The following PPM1L variants were observed in gnomAD, a reference collection of about 807,000 sequenced individuals.
PPM1L encodes protein phosphatase 1L.
Under a neutral mutation model 31.4 loss-of-function variants are expected in PPM1L, and 13 were observed. The observed-to-expected ratio is 0.41, with a 90% confidence interval of 0.27 to 0.66. PPM1L has a LOEUF of 0.66. PPM1L is among the 30% of genes least tolerant of loss of function. The pLI, the probability that PPM1L is intolerant of heterozygous loss-of-function variation, is 0.29. For synonymous variants in PPM1L, 184 were observed against 175.4 expected (o/e 1.05, Z -0.39); for missense variants, 326 against 453.7 (o/e 0.72, Z 2.56).
intron 1 of PPM1L, among the ~76,000 whole-genome samples, chr3:160,815,562 T>C (rs1447224256): frequency 6.6e-6 from 1 of 152,102 alleles, no homozygotes; most frequent in African/African-American, 2.4e-5. Context: ...GATTACAGAA[T>C]TTTTTTCTCC....
intron 1 of PPM1L, among the ~76,000 whole-genome samples, chr3:160,955,638 C>T (rs75665607): frequency 0.061 from 9,192 of 149,670 alleles, 335 homozygotes; most frequent in African/African-American, 0.08. Flanking sequence ...TTAGAATTGG[C>T]TGGCTAACAA....
At chr3:160,843,426 T>TTATATATATATATATATA (rs55994031) in intron 1 of PPM1L, among the ~76,000 whole-genome samples, 20 of 47,512 alleles carry the variant, frequency 4.2e-4, no homozygotes, top group East Asian at 1.6e-3. Context: ...GGCAATTCTT[T>TTATATATATATATATATA]TATATATATA....
intron 2 of PPM1L, among the ~76,000 whole-genome samples, chr3:160,992,432 C>G (rs1242122505): frequency 6.6e-6 from 1 of 152,130 alleles, no homozygotes; most frequent in African/African-American, 2.4e-5. Flanking sequence ...CCAAGACACT[C>G]TATCCAACTA....
At chr3:160,953,496 G>GT (rs1223740585) in intron 1 of PPM1L, among the ~76,000 whole-genome samples, 1 of 152,142 alleles carries the variant, frequency 6.6e-6, no homozygotes, top group Non-Finnish European at 1.5e-5. Context: ...AATGAGTAAC[G>GT]TAACAAAATG....
intron 1 of PPM1L, among the ~76,000 whole-genome samples, chr3:160,924,187 T>A (rs565835380): frequency 8.5e-5 from 13 of 152,306 alleles, no homozygotes; most frequent in Non-Finnish European, 1.5e-4. Context: ...GAAATAATTA[T>A]CCTCTTTGGA....
At chr3:160,941,527 A>T (rs557624695) in intron 1 of PPM1L, among the ~76,000 whole-genome samples, 1 of 152,142 alleles carries the variant, frequency 6.6e-6, no homozygotes, top group South Asian at 2.1e-4. Context: ...ACGAGACCTG[A>T]TGGGTTTATC....
chr3:160,770,682 G>C (rs1715225944), intron 1 of PPM1L, among the ~76,000 whole-genome samples: 1 of 152,186 alleles, frequency 6.6e-6, no homozygotes, highest in Admixed American at 6.5e-5. Flanking sequence ...GACTGCACAG[G>C]ATAACGATTC....
chr3:160,993,486 A>T (rs1361475967), intron 2 of PPM1L, among the ~76,000 whole-genome samples: 1 of 152,166 alleles, frequency 6.6e-6, no homozygotes, highest in Non-Finnish European at 1.5e-5. Context: ...GGTGGTAAAA[A>T]ATAGCTTCTT....
intron 1 of PPM1L, among the ~76,000 whole-genome samples, chr3:160,954,302 G>A (rs1715665354): frequency 6.6e-6 from 1 of 151,934 alleles, no homozygotes; most frequent in South Asian, 2.1e-4. Flanking sequence ...CATAACTAAT[G>A]ATATACATTA....
At chr3:160,869,343 C>T (rs1576680091) in intron 1 of PPM1L, among the ~76,000 whole-genome samples, 2 of 152,244 alleles carry the variant, frequency 1.3e-5, no homozygotes, top group Middle Eastern at 3.4e-3. Context: ...AAATTTCCTG[C>T]CTCCTCTTTT....
intron 2 of PPM1L, among the ~76,000 whole-genome samples, chr3:160,986,365 C>T (rs1204046853): frequency 6.6e-6 from 1 of 152,142 alleles, no homozygotes; most frequent in Non-Finnish European, 1.5e-5. Context: ...AGTCAGATTC[C>T]TCAGCCAGGG....
chr3:160,940,428 C>T (rs1210463096), intron 1 of PPM1L, among the ~76,000 whole-genome samples: 1 of 152,202 alleles, frequency 6.6e-6, no homozygotes. Flanking sequence ...CATCACAGGC[C>T]TGGAGGCCCG....
intron 2 of PPM1L, among the ~76,000 whole-genome samples, chr3:160,979,373 C>G (rs139307608): frequency 9.5e-4 from 145 of 152,156 alleles, no homozygotes; most frequent in African/African-American, 3.4e-3. Context: ...CACACACCCA[C>G]TCAGACTGGA....
In PPM1L at chr3:160,941,686, G is replaced by A. The variant is rs1352311402; in HGVS notation, c.400-20050G>A. Among the ~76,000 whole-genome samples the A allele has an allele frequency of 2.6e-5, 4 of 152,090 alleles. No homozygotes were observed. The East Asian group carries it at 5.8e-4, about 22-fold the overall frequency. On this transcript the variant is annotated intron_variant, in intron 1 of 3. Coordinates refer to ENST00000498165, the MANE Select transcript of PPM1L (RefSeq NM_139245.4). ...AGACTCTTTTTCTTCCCAGTCTCGG[G>A]TATGTTTTTATCAGCAGCATGAAAA... is the stretch of plus-strand genomic sequence containing the variant.
chr3:160,808,456 G>A (rs114353517), intron 1 of PPM1L, among the ~76,000 whole-genome samples: 2,656 of 148,296 alleles, frequency 0.018, 181 homozygotes, highest in African/African-American at 0.065. Context: ...CATAAGAGCT[G>A]CAGTGCAGGT....
intron 1 of PPM1L, among the ~76,000 whole-genome samples, chr3:160,843,872 G>T (rs1576666057): frequency 6.6e-6 from 1 of 152,038 alleles, no homozygotes; most frequent in African/African-American, 2.4e-5. Flanking sequence ...CAAAGACTTG[G>T]AACTAACCCA....
intron 1 of PPM1L, among the ~76,000 whole-genome samples, chr3:160,776,894 C>T (rs549053062): frequency 9.9e-5 from 15 of 151,990 alleles, no homozygotes; most frequent in East Asian, 3.9e-4. Context: ...CCACCATGCC[C>T]GGCCCTTGGT....
intron 2 of PPM1L, chr3:161,022,310 T>C (rs1718256922): frequency 4.3e-6 from 2 of 461,504 alleles, no homozygotes; most frequent in Non-Finnish European, 7.6e-6. Flanking sequence ...GTCAACCAAA[T>C]TATATGCTTA....
intron 1 of PPM1L, among the ~76,000 whole-genome samples, chr3:160,930,719 G>A (rs560513431): frequency 6.6e-6 from 1 of 152,286 alleles, no homozygotes; most frequent in Admixed American, 6.5e-5. Flanking sequence ...AAACACGCAG[G>A]AGTGGTGCAT....
Sources: allele counts gnomAD v4.1 joint callset (sites outside exome capture counted in the v4.1 genomes callset), GRCh38; gene constraint gnomAD v4.1.1; transcripts MANE v1.5; gene names NCBI Gene and HGNC (gene_info 2026-07-23, HGNC 2026-07-21).